Variants in MAML2 observed in about 807,000 individuals in gnomAD.
MAML2 encodes mastermind-like protein 2.
Under a neutral mutation model 96.1 loss-of-function variants are expected in MAML2, and 22 were observed. The ratio of observed to expected loss-of-function variants is 0.23; its 90% CI spans 0.16 to 0.33. MAML2 has a LOEUF of 0.33. Among genes scored for constraint, MAML2 ranks in the 10% least tolerant of loss-of-function variants. The pLI, the probability that MAML2 is intolerant of heterozygous loss-of-function variation, is 1.00. For missense variants in MAML2, 1,367 were observed against 1,392.4 expected (o/e 0.98, Z 0.29); for synonymous variants, 561 against 521.3 (o/e 1.08, Z -1.04).
chr11:96,306,762 A>G (rs1478134057), intron 1 of MAML2, among the ~76,000 whole-genome samples: 1 of 152,160 alleles, frequency 6.6e-6, no homozygotes, highest in East Asian at 1.9e-4. Context: ...ATGAACTAGC[A>G]TTTGCGGGTG....
chr11:96,003,920 G>A (rs1858137361), intron 2 of MAML2, among the ~76,000 whole-genome samples: 1 of 152,068 alleles, frequency 6.6e-6, no homozygotes, highest in South Asian at 2.1e-4. Flanking sequence ...ATCCAGAAAT[G>A]TTCTCACTTA....
chr11:96,221,314 T>C (rs1407475495), intron 1 of MAML2, among the ~76,000 whole-genome samples: 1 of 152,180 alleles, frequency 6.6e-6, no homozygotes, highest in African/African-American at 2.4e-5. Context: ...GATTAATAAC[T>C]TTAAAGTCAT....
intron 1 of MAML2, among the ~76,000 whole-genome samples, chr11:96,266,082 C>T (rs10831504): frequency 0.18 from 27,796 of 152,014 alleles, 2,753 homozygotes; most frequent in East Asian, 0.4. Context: ...AAACATTCAC[C>T]CCTAGACACT....
intron 1 of MAML2, among the ~76,000 whole-genome samples, chr11:96,209,910 G>A (rs1393226902): frequency 6.6e-6 from 1 of 152,150 alleles, no homozygotes; most frequent in African/African-American, 2.4e-5. Context: ...TAATATATTA[G>A]TGGTCATTTC....
intron 1 of MAML2, among the ~76,000 whole-genome samples, chr11:96,279,948 T>C (rs1209729682): frequency 2.0e-5 from 3 of 152,222 alleles, no homozygotes; most frequent in Non-Finnish European, 4.4e-5. Flanking sequence ...TCTATTTGAG[T>C]GAGTGCTTTA....
chr11:96,171,719 A>G (rs1392637268), intron 1 of MAML2, among the ~76,000 whole-genome samples: 1 of 152,264 alleles, frequency 6.6e-6, no homozygotes, highest in Non-Finnish European at 1.5e-5. Context: ...ACAGGGTGAT[A>G]GTAGAAACCA....
intron 2 of MAML2, among the ~76,000 whole-genome samples, chr11:96,073,692 T>G (rs1203519458): frequency 6.6e-6 from 1 of 152,192 alleles, no homozygotes; most frequent in Admixed American, 6.5e-5. Flanking sequence ...GAGTATGATG[T>G]GGTTGGCAGT....
intron 2 of MAML2, among the ~76,000 whole-genome samples, chr11:96,002,707 G>A (rs536835332): frequency 1.1e-3 from 16 of 14,994 alleles, no homozygotes; most frequent in Non-Finnish European, 1.6e-3. Flanking sequence ...TGATGGGGAT[G>A]ATAAGGAGGA....
At chr11:96,008,455 T>C (rs976324898) in intron 2 of MAML2, among the ~76,000 whole-genome samples, 1 of 152,166 alleles carries the variant, frequency 6.6e-6, no homozygotes, top group African/African-American at 2.4e-5. Context: ...TGATATACAT[T>C]TGGGACTGGA....
intron 3 of MAML2, among the ~76,000 whole-genome samples, chr11:95,989,356 T>C (rs1392342827): frequency 1.3e-5 from 2 of 152,208 alleles, no homozygotes; most frequent in Admixed American, 1.3e-4. Flanking sequence ...GCAGCCTCAT[T>C]CTCATTCATC....
intron 1 of MAML2, among the ~76,000 whole-genome samples, chr11:96,232,055 T>C (rs536941139): frequency 1.3e-5 from 2 of 152,278 alleles, no homozygotes; most frequent in East Asian, 1.9e-4. Context: ...CCGAGGAAGA[T>C]GAGTTTGCCT....
At chr11:96,022,955 C>T (rs1256463141) in intron 2 of MAML2, among the ~76,000 whole-genome samples, 1 of 152,126 alleles carries the variant, frequency 6.6e-6, no homozygotes, top group Non-Finnish European at 1.5e-5. Context: ...TTAAATAGAA[C>T]CAGGCAATTG....
At chr11:96,238,183 CAAT>C (rs1353201507) in intron 1 of MAML2, among the ~76,000 whole-genome samples, 1 of 152,124 alleles carries the variant, frequency 6.6e-6, no homozygotes, top group Non-Finnish European at 1.5e-5. Flanking sequence ...ATGGAAGAGA[CAAT>C]AAAACTGCCA....
In MAML2 at chr11:96,269,462, A is replaced by G. The variant is rs574482980; in HGVS notation, c.513+71921T>C. Among the ~76,000 whole-genome samples, 115 of 144,620 alleles carry G rather than the reference A, an allele frequency of 8.0e-4. 19 individuals are homozygous for G. The highest frequency in any genetic ancestry group is 2.9e-3 in the African/African-American group (111 of 37,808). 94.9% of individuals were successfully genotyped at this position (144,620 alleles called of 152,430 possible). On this transcript the variant is annotated intron_variant, in intron 1 of 4. Transcript: ENST00000524717. ...CCACTCACTTTGGCATGTCCTAGTA[A>G]GTATATATATAATCCATTAAAAACC...
chr11:95,977,617 C>G lies in MAML2; in HGVS notation c.*1331G>C, dbSNP rs1469889284. 7 of 214,856 alleles carry G rather than the reference C, an allele frequency of 3.3e-5. No homozygotes were observed. In the East Asian group the frequency reaches 4.8e-4, roughly 15 times the overall value. 13.3% of individuals were successfully genotyped at this position (214,856 alleles called of 1,614,324 possible). The stretch of plus-strand genomic sequence containing the variant: ...CATTCCAAATCAGCACACGTCTTCC[C>G]CATTTTACAGCTGATCTGGATGTGG... On this transcript the variant is annotated 3_prime_UTR_variant, in exon 5 of 5. Coordinates refer to ENST00000524717, the MANE Select transcript of MAML2 (RefSeq NM_032427.4).
intron 1 of MAML2, among the ~76,000 whole-genome samples, chr11:96,329,519 G>A (rs1241726618): frequency 6.6e-6 from 1 of 152,238 alleles, no homozygotes; most frequent in Non-Finnish European, 1.5e-5. Flanking sequence ...AGGGAACTCT[G>A]CAAAGTGTGT....
chr11:96,192,796 G>T (rs1315056568), intron 1 of MAML2, among the ~76,000 whole-genome samples: 2 of 152,180 alleles, frequency 1.3e-5, no homozygotes, highest in Non-Finnish European at 2.9e-5. Context: ...TGGGACATAT[G>T]CCAGCATGAA....
intron 2 of MAML2, among the ~76,000 whole-genome samples, chr11:96,060,631 C>T (rs1313503570): frequency 1.3e-5 from 2 of 152,196 alleles, no homozygotes; most frequent in Admixed American, 1.3e-4. Flanking sequence ...CACGGTAGCA[C>T]ACTTCTGTGA....
chr11:96,086,453 C>T (rs1358098929), intron 2 of MAML2, among the ~76,000 whole-genome samples: 1 of 119,894 alleles, frequency 8.3e-6, no homozygotes, highest in East Asian at 2.0e-4. Context: ...TGCATTCTCA[C>T]TTCCTTGTGT....
Sources: allele counts gnomAD v4.1 joint callset (sites outside exome capture counted in the v4.1 genomes callset), GRCh38; gene constraint gnomAD v4.1.1; transcripts MANE v1.5; gene names NCBI Gene and HGNC (gene_info 2026-07-23, HGNC 2026-07-21).